Variants in AGMO observed in about 807,000 individuals in gnomAD.
The protein encoded by AGMO is alkylglycerol monooxygenase.
A neutral mutation model predicts 60.2 loss-of-function variants in AGMO; 75 were observed. The ratio of observed to expected loss-of-function variants is 1.25; its 90% CI spans 1.03 to 1.51. AGMO has a LOEUF of 1.51. AGMO is among the 40% of genes most tolerant of loss of function. AGMO has a pLI of 0.00. For missense variants in AGMO, 763 were observed against 525.5 expected (o/e 1.45, Z -4.42); for synonymous variants, 261 against 177.1 (o/e 1.47, Z -3.76).
chr7:15,531,550 A>C lies in AGMO; in HGVS notation c.409+13222T>G, dbSNP rs1238588021. Among the ~76,000 whole-genome samples the C allele has an allele frequency of 1.3e-4, 9 of 71,874 alleles. 1 individual carries two copies. Among genetic ancestry groups the C allele is most frequent in the East Asian group, 5.0e-4 (1 of 1,990 alleles). 47.2% of individuals were successfully genotyped at this position (71,874 alleles called of 152,430 possible). A position where few individuals can be genotyped will look rare whatever the true frequency, so the allele number is the denominator to read the frequency against. The stretch of plus-strand genomic sequence containing the variant: ...TATATATATTCTCTATATATATTCT[A>C]TATATATATTCTCTATATATTCCAT... On this transcript the variant is annotated intron_variant, in intron 3 of 12. Coordinates refer to ENST00000342526, the MANE Select transcript of AGMO (RefSeq NM_001004320.2).
intron 12 of AGMO, among the ~76,000 whole-genome samples, chr7:15,281,356 C>A (rs1012251529): frequency 2.6e-5 from 4 of 152,152 alleles, no homozygotes; most frequent in African/African-American, 7.2e-5. Flanking sequence ...TACCTATAGA[C>A]AGCCTTTCTG....
intron 5 of AGMO, among the ~76,000 whole-genome samples, chr7:15,402,571 T>G (rs909675257): frequency 4.0e-5 from 6 of 148,456 alleles, no homozygotes; most frequent in African/African-American, 1.5e-4. Context: ...TGTATTATAG[T>G]CATATATTTA....
At chr7:15,476,177 ACTT>A (rs1037274205) in intron 3 of AGMO, among the ~76,000 whole-genome samples, 1 of 152,090 alleles carries the variant, frequency 6.6e-6, no homozygotes, top group Non-Finnish European at 1.5e-5. Context: ...TGGAAGATGA[ACTT>A]ATTATCAAGA....
the AGMO span, among the ~76,000 whole-genome samples, chr7:15,129,470 G>A: frequency 6.6e-6 from 1 of 152,028 alleles, no homozygotes; most frequent in African/African-American, 2.4e-5. Context: ...TGAAAAATAA[G>A]GAAAGGCAAC....
At chr7:15,274,865 A>G (rs1027272740) in intron 12 of AGMO, among the ~76,000 whole-genome samples, 1 of 151,632 alleles carries the variant, frequency 6.6e-6, no homozygotes, top group Non-Finnish European at 1.5e-5. Context: ...ATAGTCTCTA[A>G]TCATTTTTTT....
chr7:15,544,397 C>G (rs1165509956), intron 3 of AGMO, among the ~76,000 whole-genome samples: 1 of 151,990 alleles, frequency 6.6e-6, no homozygotes, highest in Non-Finnish European at 1.5e-5. Flanking sequence ...ACAAAAAAAC[C>G]TTTTATCCCA....
In AGMO at chr7:15,233,385, G is replaced by T. The variant is rs529410413; in HGVS notation, c.1264-32026C>A. On this transcript the variant is annotated intron_variant, in intron 12 of 12. Transcript: ENST00000342526. ...AGGAAGTGATTCCTTGAACATATGT[G>T]TATCATCCAAGATCCAGGCAGAAAA... 7.4e-4 allele frequency among the ~76,000 whole-genome samples: 112 copies of T among 152,190 alleles called. 1 individual carries two copies. The highest frequency in any genetic ancestry group is 2.5e-3 in the African/African-American group (104 of 41,538).
chr7:15,501,141 A>G (rs2128525264), intron 3 of AGMO, among the ~76,000 whole-genome samples: 1 of 152,082 alleles, frequency 6.6e-6, no homozygotes, highest in South Asian at 2.1e-4. Flanking sequence ...TGTGGTGATG[A>G]GAAGAATGTC....
intron 3 of AGMO, among the ~76,000 whole-genome samples, chr7:15,504,985 A>AT (rs1306746237): frequency 1.3e-5 from 2 of 151,800 alleles, no homozygotes; most frequent in Non-Finnish European, 2.9e-5. Context: ...TCTTTGAAGT[A>AT]TTTTTTTCTT....
chr7:15,382,244 A>G (rs1213140192), intron 10 of AGMO, among the ~76,000 whole-genome samples: 3 of 152,206 alleles, frequency 2.0e-5, no homozygotes, highest in Non-Finnish European at 2.9e-5. Context: ...CTGAAAATCT[A>G]TTTAGCAGGA....
rs181477396 is a variant in AGMO at position 15,314,965 on chromosome 7, A to G, written c.1263+50549T>C. On this transcript the variant is annotated intron_variant, in intron 12 of 12. Transcript: ENST00000342526. ...CTGGCTCTAATCTGTAGGGACCCCA[A>G]TGTAAGGACCGAAGCGACATGTTTT... is the stretch of plus-strand genomic sequence containing the variant. Among the ~76,000 whole-genome samples, 353 of 152,276 alleles carry G rather than the reference A, an allele frequency of 2.3e-3. 2 individuals are homozygous for G. Among genetic ancestry groups the G allele is most frequent in the African/African-American group, 7.7e-3 (321 of 41,558 alleles).
At chr7:15,494,276 A>G (rs1467347774) in intron 3 of AGMO, among the ~76,000 whole-genome samples, 1 of 152,226 alleles carries the variant, frequency 6.6e-6, no homozygotes, top group South Asian at 2.1e-4. Context: ...GTGGTTCAGG[A>G]TATTTGAGCA....
chr7:15,376,470 T>C (rs1783456307), intron 10 of AGMO, among the ~76,000 whole-genome samples: 1 of 152,046 alleles, frequency 6.6e-6, no homozygotes, highest in Non-Finnish European at 1.5e-5. Context: ...TTTTACAGAG[T>C]ATGGCATTCA....
chr7:15,531,055 A>ATATTCTATATATATTCTATATG (rs1784311300), intron 3 of AGMO, among the ~76,000 whole-genome samples: 3 of 97,926 alleles, frequency 3.1e-5, no homozygotes, highest in African/African-American at 1.4e-4. Flanking sequence ...TATTCTATAT[A>ATATTCTATATATATTCTATATG]TATTCTGTAT....
At chr7:15,333,765 T>A (rs903541392) in intron 12 of AGMO, among the ~76,000 whole-genome samples, 6 of 152,044 alleles carry the variant, frequency 3.9e-5, no homozygotes, top group Non-Finnish European at 7.4e-5. Context: ...GACATCACAA[T>A]CAGTGATTCC....
chr7:15,383,701 C>T (rs928955214), intron 10 of AGMO, among the ~76,000 whole-genome samples: 1 of 152,042 alleles, frequency 6.6e-6, no homozygotes, highest in African/African-American at 2.4e-5. Context: ...ACTAGATAGA[C>T]TCATGCCTAT....
chr7:15,410,550 A>G (rs1051444069), intron 5 of AGMO, among the ~76,000 whole-genome samples: 4 of 151,920 alleles, frequency 2.6e-5, no homozygotes, highest in Non-Finnish European at 4.4e-5. Flanking sequence ...ATTAAACAAA[A>G]TATCTATTGC....
chr7:15,316,168 G>C (rs371979669), intron 12 of AGMO, among the ~76,000 whole-genome samples: 7 of 152,220 alleles, frequency 4.6e-5, no homozygotes, highest in Admixed American at 1.3e-4. Context: ...GAGTTGCCAA[G>C]GGAAAAACAA....
At chr7:15,311,721 C>A (rs1017089368) in intron 12 of AGMO, among the ~76,000 whole-genome samples, 2 of 151,938 alleles carry the variant, frequency 1.3e-5, no homozygotes, top group African/African-American at 2.4e-5. Flanking sequence ...ATAAATTTCA[C>A]AAGAAAACAA....
Sources: allele counts gnomAD v4.1 joint callset (sites outside exome capture counted in the v4.1 genomes callset), GRCh38; gene constraint gnomAD v4.1.1; transcripts MANE v1.5; gene names NCBI Gene and HGNC (gene_info 2026-07-23, HGNC 2026-07-21).